Variants in SCAMP3 observed in about 807,000 individuals in gnomAD.
SCAMP3 encodes secretory carrier-associated membrane protein 3.
A neutral mutation model predicts 44.1 loss-of-function variants in SCAMP3; 30 were observed. The ratio of observed to expected loss-of-function variants is 0.68; its 90% CI spans 0.51 to 0.92. The LOEUF (loss-of-function observed/expected upper bound fraction) is 0.92, where lower values mean the gene tolerates loss of function less well. Among genes scored for constraint, SCAMP3 ranks in the 40% least tolerant of loss-of-function variants. The pLI is 0.00. For missense variants in SCAMP3, 394 were observed against 440.0 expected (o/e 0.90, Z 0.93); for synonymous variants, 168 against 171.1 (o/e 0.98, Z 0.14).
chr1:155,260,673 G>T lies in SCAMP3; in HGVS notation c.145-14C>A. On this transcript the variant is annotated splice_polypyrimidine_tract_variant and intron_variant, in intron 2 of 8. Coordinates refer to ENST00000302631, the MANE Select transcript of SCAMP3 (RefSeq NM_005698.4). The stretch of plus-strand genomic sequence containing the variant: ...GGCTGGTGGTGGCTGTTGAGGAAAA[G>T]ACCTTAGTGATCATCTAGTCCCTCA... 6.3e-7 allele frequency: 1 copy of T among 1,596,002 alleles called. No homozygotes were observed. Among genetic ancestry groups the T allele is most frequent in the Non-Finnish European group, 8.5e-7 (1 of 1,171,680 alleles).
intron 5 of SCAMP3, among the ~76,000 whole-genome samples, chr1:155,258,255 A>G (rs12042020): frequency 0.41 from 58,774 of 143,548 alleles, 13,958 homozygotes; most frequent in East Asian, 0.71. Flanking sequence ...TCCTAACCTC[A>G]TGTTCTGCCC....
chr1:155,260,513 C>A, intron 3 of SCAMP3, 24 bp downstream of exon 3: 3 of 1,614,162 alleles, frequency 1.9e-6, no homozygotes, highest in Non-Finnish European at 2.5e-6. Context: ...TTCTCCCCAG[C>A]CCTCACCTGC....
Position 155,256,417 on chromosome 1 carries a change from G to C in SCAMP3, c.900C>G (p.Ile300Met). 1 of 1,580,154 alleles carries C rather than the reference G, an allele frequency of 6.3e-7. No homozygotes were observed. Among genetic ancestry groups the C allele is most frequent in the Non-Finnish European group, 8.6e-7 (1 of 1,160,710 alleles). Reference sequence around the variant, plus strand: ...CACCTGTGCGGCGGTATAAGGAGTGGATCTGCAAGTAGAGGACAAAGACAT... The same window carrying C: ...CACCTGTGCGGCGGTATAAGGAGTGCATCTGCAAGTAGAGGACAAAGACAT... ...AVLGIVMLKR[I>M]HSLYRRTGAS... Residue 300 changes from isoleucine (I) to methionine (M), a missense_variant and splice_region_variant, in exon 9 of 9, where the codon ATC becomes ATG. Physicochemically the swap from Ile to Met is conservative, Grantham distance 10 (BLOSUM62 1). Transcript: ENST00000302631.
intron 4 of SCAMP3, among the ~76,000 whole-genome samples, chr1:155,259,951 TTG>T (rs1672916218): frequency 6.6e-6 from 1 of 151,596 alleles, no homozygotes; most frequent in Non-Finnish European, 1.5e-5. Flanking sequence ...GAGCCCAGGT[TTG>T]TGTTTTTTTT....
intron 4 of SCAMP3, among the ~76,000 whole-genome samples, chr1:155,259,214 G>A (rs1672892532): frequency 1.5e-5 from 2 of 129,080 alleles, no homozygotes; most frequent in Non-Finnish European, 3.1e-5. Flanking sequence ...CGCTCTTGTT[G>A]CCCAGGTTGG....
intron 1 of SCAMP3, 75 bp from the exon 2 acceptor site, chr1:155,261,809 G>T: frequency 7.1e-7 from 1 of 1,414,278 alleles, no homozygotes. Context: ...TTCCCAAACT[G>T]CCTGTGGCTC....
intron 1 of SCAMP3, 174 bp downstream of exon 1, chr1:155,261,912 T>C: frequency 1.2e-6 from 1 of 808,058 alleles, no homozygotes; most frequent in Non-Finnish European, 2.0e-6. Context: ...CACCAGCCCA[T>C]TAAGGGGCAG....
chr1:155,260,496 C>T (rs1021480564), intron 3 of SCAMP3, 41 bp downstream of exon 3: 1 of 1,614,184 alleles, frequency 6.2e-7, no homozygotes, highest in South Asian at 1.1e-5. Flanking sequence ...GGCCCCAGGA[C>T]TGGCCCTTCT....
At chr1:155,259,136 T>A (rs2148120688) in intron 4 of SCAMP3, among the ~76,000 whole-genome samples, 182 bp from the exon 5 acceptor site, 1 of 140,764 alleles carries the variant, frequency 7.1e-6, no homozygotes, top group African/African-American at 2.6e-5. Context: ...AGCCTCAACC[T>A]CCTGGGCTCA....
chr1:155,256,737 G>T lies in SCAMP3; in HGVS notation c.834C>A (p.Leu278=), dbSNP rs752102906. 8 of 1,614,092 alleles carry T rather than the reference G, an allele frequency of 5.0e-6. No homozygotes were observed. The highest frequency in any genetic ancestry group is 1.7e-5 in the Admixed American group (1 of 60,008). The part of the protein sequence containing the change: ...VPKGNTAVSV[L]MLLVALLFTG... ...TGAAGAGCAGGGCGACCAGCAGCAT[G>T]AGCACGGATACTGCTGTGTTGCCCT... Residue 278 remains leucine, a synonymous_variant, in exon 8 of 9, where the codon CTC becomes CTA. Coordinates refer to ENST00000302631, the MANE Select transcript of SCAMP3 (RefSeq NM_005698.4).
rs1226991718 is a variant in SCAMP3 at position 155,256,656 on chromosome 1, C to G, written c.897+18G>C. ...CATGATCTCACCATCCCGGCCCCAC[C>G]TTCGACACAGCCCTCACCCGTTTCA... is the stretch of plus-strand genomic sequence containing the variant. On this transcript the variant is annotated intron_variant, in intron 8 of 8. Coordinates refer to ENST00000302631, the MANE Select transcript of SCAMP3 (RefSeq NM_005698.4). 7 of 1,608,318 alleles carry G rather than the reference C, an allele frequency of 4.4e-6. No homozygotes were observed. In the African/African-American group the frequency reaches 6.7e-5, roughly 15 times the overall value.
At chr1:155,261,574 G>A in intron 2 of SCAMP3, 83 bp downstream of exon 2, 1 of 1,239,496 alleles carries the variant, frequency 8.1e-7, no homozygotes, top group Non-Finnish European at 1.2e-6. Context: ...TGTGCATGCA[G>A]AAAAGTCCCC....
intron 2 of SCAMP3, 58 bp downstream of exon 2, chr1:155,261,599 C>T: frequency 6.7e-7 from 1 of 1,495,398 alleles, no homozygotes. Context: ...CCCAAGCTAA[C>T]TTGTCTCACT....
chr1:155,256,327 G>A lies in SCAMP3; in HGVS notation c.990C>T (p.Thr330=). Residue 330 remains threonine, a synonymous_variant, in exon 9 of 9, where the codon ACC becomes ACT. Coordinates refer to ENST00000302631, the MANE Select transcript of SCAMP3 (RefSeq NM_005698.4). ...AGVFSNPAVR[T]AAANAAAGAA... Reference sequence around the variant, plus strand: ...CCCCAGCGGCTGCATTGGCAGCTGCGGTTCGCACCGCAGGGTTGGAGAAGA... The same window carrying A: ...CCCCAGCGGCTGCATTGGCAGCTGCAGTTCGCACCGCAGGGTTGGAGAAGA... 2 of 1,604,484 alleles carry A rather than the reference G, an allele frequency of 1.2e-6. No individual in the cohort carries two copies. Among genetic ancestry groups the A allele is most frequent in the African/African-American group, 1.3e-5 (1 of 74,794 alleles).
intron 4 of SCAMP3, among the ~76,000 whole-genome samples, chr1:155,260,037 C>T (rs1472282153): frequency 6.6e-6 from 1 of 151,716 alleles, no homozygotes; most frequent in East Asian, 1.9e-4. Flanking sequence ...CTGCAACCTC[C>T]ACCTCCCGGG....
intron 4 of SCAMP3, among the ~76,000 whole-genome samples, chr1:155,260,038 A>G (rs1037946542): frequency 6.9e-6 from 1 of 145,222 alleles, no homozygotes; most frequent in East Asian, 2.0e-4. Context: ...TGCAACCTCC[A>G]CCTCCCGGGT....
intron 5 of SCAMP3, among the ~76,000 whole-genome samples, chr1:155,258,019 TTTTC>T (rs1672853054): frequency 6.7e-6 from 1 of 148,762 alleles, no homozygotes; most frequent in Non-Finnish European, 1.5e-5. Context: ...TAATTTTTTT[TTTTC>T]TTTTTTTTTT....
rs1076555 is a variant in SCAMP3, at chr1:155,260,663, T to C, written c.145-4A>G. 1 of 1,604,156 alleles carries C rather than the reference T, an allele frequency of 6.2e-7. No individual in the cohort carries two copies. The highest frequency in any genetic ancestry group is 8.5e-7 in the Non-Finnish European group (1 of 1,175,468). On this transcript the variant is annotated splice_region_variant and splice_polypyrimidine_tract_variant and intron_variant, in intron 2 of 8. Transcript: ENST00000302631. ...GAGGCTCATAGGCTGGTGGTGGCTG[T>C]TGAGGAAAAGACCTTAGTGATCATC...
At position 155,260,404 on chromosome 1, in the gene SCAMP3, T is replaced by C; in HGVS notation, c.314A>G (p.Glu105Gly). The C allele has an allele frequency of 3.1e-6, 5 of 1,614,062 alleles. No individual in the cohort carries two copies. The highest frequency in any genetic ancestry group is 4.2e-6 in the Non-Finnish European group (5 of 1,180,032). Residue 105 changes from glutamate to glycine, a missense_variant, in exon 4 of 9, where the codon GAG becomes GGG. Transcript: ENST00000302631. Reference protein sequence around the residue: ...ATAELLKKQEELNRKAEELDR... With the variant: ...ATAELLKKQEGLNRKAEELDR... ...CAACTCCTCTGCCTTCCGGTTGAGC[T>C]CCTCCTGTTTCTTCAGCAGCTCAGC...
Sources: allele counts gnomAD v4.1 joint callset (sites outside exome capture counted in the v4.1 genomes callset), GRCh38; gene constraint gnomAD v4.1.1; transcripts MANE v1.5; gene names NCBI Gene and HGNC (gene_info 2026-07-23, HGNC 2026-07-21).